Variants in CERS6 observed in about 807,000 individuals in gnomAD.
CERS6 encodes LAG1 homolog, ceramide synthase 6.
CERS6 carries 26 observed loss-of-function variants against 56.8 expected under a neutral mutation model. That is an observed-to-expected ratio of 0.46 (90% CI 0.34 to 0.63). The LOEUF (loss-of-function observed/expected upper bound fraction) is 0.63. CERS6 is among the 30% of genes least tolerant of loss of function. The probability of loss-of-function intolerance (pLI) is 0.01; values close to 1 mark genes in which losing one functional copy is unlikely to be tolerated. For synonymous variants in CERS6, 164 were observed against 173.3 expected (o/e 0.95, Z 0.42); for missense variants, 415 against 467.5 (o/e 0.89, Z 1.04).
chr2:168,618,573 G>A (rs1043956292), intron 3 of CERS6, among the ~76,000 whole-genome samples: 4 of 152,044 alleles, frequency 2.6e-5, no homozygotes, highest in East Asian at 3.9e-4. Context: ...AGTAACTCTC[G>A]TATACACCAA....
chr2:168,717,386 A>C (rs796187519), intron 7 of CERS6, among the ~76,000 whole-genome samples: 4 of 152,282 alleles, frequency 2.6e-5, no homozygotes, highest in African/African-American at 9.6e-5. Flanking sequence ...AATTTTAAGG[A>C]GAAAGGAAGA....
intron 8 of CERS6, among the ~76,000 whole-genome samples, chr2:168,760,763 TTTA>T (rs768345537): frequency 0.08 from 12,015 of 151,048 alleles, 584 homozygotes; most frequent in Non-Finnish European, 0.11. Flanking sequence ...TATTTATTTA[TTTA>T]TTTTTTTGAG....
intron 1 of CERS6, among the ~76,000 whole-genome samples, chr2:168,483,279 A>G (rs569540563): frequency 2.3e-4 from 33 of 146,002 alleles, no homozygotes; most frequent in African/African-American, 7.6e-4. Flanking sequence ...ACGATTACAT[A>G]GCTATTTTTT....
chr2:168,629,967 C>T (rs892137594), intron 3 of CERS6, among the ~76,000 whole-genome samples: 2 of 151,824 alleles, frequency 1.3e-5, no homozygotes, highest in Non-Finnish European at 2.9e-5. Context: ...TAGACGCCCG[C>T]CACTAAGCCT....
At chr2:168,543,251 G>A (rs1488576443) in intron 1 of CERS6, among the ~76,000 whole-genome samples, 3 of 152,234 alleles carry the variant, frequency 2.0e-5, no homozygotes, top group Middle Eastern at 6.9e-3. Context: ...TTTGAAGGTG[G>A]TGTTGCCGCC....
intron 4 of CERS6, among the ~76,000 whole-genome samples, chr2:168,653,459 T>G (rs1685394878): frequency 1.3e-5 from 2 of 152,210 alleles, no homozygotes; most frequent in African/African-American, 4.8e-5. Context: ...CAATGAAGGA[T>G]TCTAGTTCTC....
chr2:168,648,103 TG>T (rs567810683), intron 4 of CERS6, among the ~76,000 whole-genome samples: 3 of 152,170 alleles, frequency 2.0e-5, no homozygotes, highest in Non-Finnish European at 2.9e-5. Flanking sequence ...AACTCTTCTT[TG>T]TAATCTGGTA....
Position 168,456,599 on chromosome 2 carries a change from G to A in CERS6, c.151G>A (p.Val51Met). 2.5e-6 allele frequency: 4 copies of A among 1,613,638 alleles called. No individual in the cohort carries two copies. Among genetic ancestry groups the A allele is most frequent in the Non-Finnish European group, 3.4e-6 (4 of 1,179,724 alleles). ...TCCCCTGGCCTTCTGTATCTTCATG[G>A]TGCGGCTCATCTTCGAGAGGTAAGA... ...AFPLAFCIFM[V>M]RLIFERFVAK... is the part of the protein sequence containing the mutation. Residue 51 changes from valine (V) to methionine (M), a missense_variant, in exon 1 of 10, where the codon GTG (valine) becomes ATG (methionine). Coordinates refer to ENST00000305747, the MANE Select transcript of CERS6 (RefSeq NM_203463.3). This position sits in a 1 kb window ranked among gnomAD's most constrained non-coding sequence, Gnocchi z 4.1.
chr2:168,471,485 A>T (rs10497341), intron 1 of CERS6, among the ~76,000 whole-genome samples: 8,384 of 152,272 alleles, frequency 0.055, 336 homozygotes, highest in East Asian at 0.18. Flanking sequence ...AGATAACGTC[A>T]TGGTTTTAGG....
intron 8 of CERS6, among the ~76,000 whole-genome samples, chr2:168,748,004 T>C (rs1321181590): frequency 6.6e-6 from 1 of 152,260 alleles, no homozygotes; most frequent in African/African-American, 2.4e-5. Context: ...AAGCCAGTTG[T>C]ATTTCTTCTG....
At chr2:168,555,383 T>C (rs761243533) in intron 2 of CERS6, among the ~76,000 whole-genome samples, 2 of 151,814 alleles carry the variant, frequency 1.3e-5, no homozygotes, top group Non-Finnish European at 2.9e-5. Flanking sequence ...TGAAAACTCA[T>C]ACAGATATGA....
intron 5 of CERS6, among the ~76,000 whole-genome samples, chr2:168,691,969 G>A (rs547446308): frequency 6.6e-6 from 1 of 152,182 alleles, no homozygotes; most frequent in Non-Finnish European, 1.5e-5. Context: ...CCTATGGGGA[G>A]CAGGCTTGCC....
In CERS6 at chr2:168,618,357, A is replaced by G. The variant is rs182598270; in HGVS notation, c.408-12628A>G. 3.9e-4 allele frequency among the ~76,000 whole-genome samples: 60 copies of G among 152,330 alleles called. 2 individuals are homozygous for G. The East Asian group carries it at 0.01, about 26-fold the overall frequency. Reference sequence around the variant, plus strand: ...TGCCCACTTTCACCACTTCTCTTCAACATAGTACTGGAATCCAAGCCAGAG... The same window carrying G: ...TGCCCACTTTCACCACTTCTCTTCAGCATAGTACTGGAATCCAAGCCAGAG... On this transcript the variant is annotated intron_variant, in intron 3 of 9. Transcript: ENST00000305747.
chr2:168,549,212 T>C (rs1695521663), intron 2 of CERS6, among the ~76,000 whole-genome samples: 1 of 152,194 alleles, frequency 6.6e-6, no homozygotes, highest in African/African-American at 2.4e-5. Flanking sequence ...TTCTCCACAT[T>C]TGATGCCTCT....
chr2:168,736,218 T>C (rs1186565560), intron 8 of CERS6, among the ~76,000 whole-genome samples: 1 of 152,226 alleles, frequency 6.6e-6, no homozygotes, highest in East Asian at 1.9e-4. Flanking sequence ...ATTAAGTAAA[T>C]ATGCACATGA....
At chr2:168,639,702 T>C (rs1415755897) in intron 4 of CERS6, among the ~76,000 whole-genome samples, 1 of 152,090 alleles carries the variant, frequency 6.6e-6, no homozygotes, top group Non-Finnish European at 1.5e-5. Flanking sequence ...TTAGGACAAG[T>C]ACTTGATGTG....
chr2:168,474,413 A>G (rs1694030914), intron 1 of CERS6, among the ~76,000 whole-genome samples: 1 of 152,218 alleles, frequency 6.6e-6, no homozygotes, highest in Non-Finnish European at 1.5e-5. Context: ...AATGCATTGA[A>G]AACCTTTCAA....
intron 8 of CERS6, among the ~76,000 whole-genome samples, chr2:168,741,810 G>A (rs1683916772): frequency 6.6e-6 from 1 of 152,214 alleles, no homozygotes; most frequent in Non-Finnish European, 1.5e-5. Flanking sequence ...CACATGTGGA[G>A]AGCAGTAACA....
intron 1 of CERS6, among the ~76,000 whole-genome samples, chr2:168,523,303 T>C (rs1695015274): frequency 6.6e-6 from 1 of 152,198 alleles, no homozygotes; most frequent in African/African-American, 2.4e-5. Context: ...ACAGTTGTTC[T>C]CTTATCAGGG....
Sources: gnomAD v4.1 joint callset for allele counts (sites outside exome capture counted in the v4.1 genomes callset) on GRCh38, gnomAD v4.1.1 for gene constraint, Gnocchi (gnomAD v3.1) non-coding constraint, MANE v1.5 for transcripts, NCBI Gene and HGNC (gene_info 2026-07-23, HGNC 2026-07-21) for gene names.